CNTLN: variants seen among roughly 807,000 people sequenced by gnomAD.
CNTLN encodes the protein centlein, centrosomal protein.
A neutral mutation model predicts 180.0 loss-of-function variants in CNTLN; 212 were observed. The observed-to-expected ratio is 1.18, with a 90% confidence interval of 1.05 to 1.32. The LOEUF (loss-of-function observed/expected upper bound fraction) is 1.32. CNTLN is among the 40% of genes most tolerant of loss of function. The probability of loss-of-function intolerance (pLI) is 0.00; values close to 1 mark genes in which losing one functional copy is unlikely to be tolerated. For synonymous variants in CNTLN, 722 were observed against 563.1 expected, an observed-to-expected ratio of 1.28 and a Z score of -3.99; for missense variants, 2,095 against 1,610.9, an observed-to-expected ratio of 1.30 and a Z score of -5.14.
chr9:17,399,996 G>A (rs957458268), intron 15 of CNTLN, among the ~76,000 whole-genome samples: 1 of 152,040 alleles, frequency 6.6e-6, no homozygotes, highest in Admixed American at 6.5e-5. Context: ...CCTTATGAAG[G>A]CTCCCTTATC....
rs1306005142 is a variant in CNTLN at position 17,503,084 on chromosome 9, T to A, written c.*432T>A. On this transcript the variant is annotated 3_prime_UTR_variant, in exon 26 of 26. Transcript: ENST00000380647. ...ATAAGTGGTCCAGGGAGCAACAGATTTGTAGTATGAGCAAATATAAAATGA... is the reference window on the plus strand; with the variant it reads ...ATAAGTGGTCCAGGGAGCAACAGATATGTAGTATGAGCAAATATAAAATGA... 6.6e-6 allele frequency: 1 copy of A among 152,458 alleles called. No individual in the cohort carries two copies. The highest frequency in any genetic ancestry group is 2.4e-5 in the African/African-American group (1 of 41,464). The allele number at this position is 152,458 out of a possible 1,614,324, so 9.4% of individuals were successfully genotyped here.
chr9:17,492,235 C>T (rs773249262), intron 25 of CNTLN, among the ~76,000 whole-genome samples: 4 of 151,886 alleles, frequency 2.6e-5, no homozygotes, highest in Non-Finnish European at 5.9e-5. Context: ...TTATTTGAAT[C>T]TACAATATCA....
intron 3 of CNTLN, among the ~76,000 whole-genome samples, chr9:17,229,190 AAGAG>A (rs1249122852): frequency 1.3e-5 from 2 of 152,134 alleles, no homozygotes; most frequent in Admixed American, 6.6e-5. Flanking sequence ...ATGAATTGAG[AAGAG>A]AGAGTTTCAA....
intron 13 of CNTLN, among the ~76,000 whole-genome samples, chr9:17,372,177 T>G (rs1168136935): frequency 1.3e-5 from 2 of 152,044 alleles, no homozygotes; most frequent in African/African-American, 4.8e-5. Context: ...AACAAAAAAT[T>G]GGTTTATCAA....
intron 7 of CNTLN, among the ~76,000 whole-genome samples, chr9:17,307,265 A>G (rs1479941994): frequency 3.4e-5 from 5 of 145,528 alleles, no homozygotes; most frequent in Non-Finnish European, 7.4e-5. Flanking sequence ...AATAATATCG[A>G]TAGATAATTT....
At chr9:17,298,880 G>A (rs1017283116) in intron 7 of CNTLN, 15 of 985,286 alleles carry the variant, frequency 1.5e-5, no homozygotes, top group Non-Finnish European at 1.8e-5. Flanking sequence ...AGCCTTTCAA[G>A]AAGGTTTACC....
intron 5 of CNTLN, among the ~76,000 whole-genome samples, chr9:17,241,192 G>C (rs918132149): frequency 2.0e-5 from 3 of 152,120 alleles, no homozygotes; most frequent in Non-Finnish European, 2.9e-5. Flanking sequence ...CACAGTTTGA[G>C]GTCTGTGACT....
At chr9:17,388,104 C>A in intron 13 of CNTLN, 58 bp from the exon 14 acceptor site, 1 of 1,073,610 alleles carries the variant, frequency 9.3e-7, no homozygotes, top group Non-Finnish European at 1.4e-6. Flanking sequence ...CTTAAAATGA[C>A]AGGACAGTAT....
Position 17,228,307 on chromosome 9 carries a change from T to G in CNTLN, c.534+2020T>G, listed in dbSNP as rs75940691. Among the ~76,000 whole-genome samples, 52 of 152,204 alleles carry G rather than the reference T, an allele frequency of 3.4e-4. No individual in the cohort carries two copies. In the East Asian group the frequency reaches 4.1e-3, roughly 12 times the overall value. Reference sequence around the variant, plus strand: ...TGAGTAGGGATTGTTTCATTATTTATCTTTTGAGTGGAATCACATAGCTTA... The same window carrying G: ...TGAGTAGGGATTGTTTCATTATTTAGCTTTTGAGTGGAATCACATAGCTTA... On this transcript the variant is annotated intron_variant, in intron 3 of 25. Transcript: ENST00000380647.
downstream of CNTLN, among the ~76,000 whole-genome samples, chr9:17,506,735 A>AG (rs1354727701): frequency 3.9e-4 from 6 of 15,280 alleles, no homozygotes; most frequent in African/African-American, 5.5e-4. Flanking sequence ...AACTGTAAAA[A>AG]CAACAAAATG....
chr9:17,152,315 C>G (rs960765872), intron 2 of CNTLN, among the ~76,000 whole-genome samples: 11 of 152,114 alleles, frequency 7.2e-5, no homozygotes, highest in Non-Finnish European at 1.6e-4. Flanking sequence ...TAAATTCCCC[C>G]TAAACACTGC....
At chr9:17,238,523 A>G (rs1825292961) in intron 5 of CNTLN, among the ~76,000 whole-genome samples, 1 of 152,186 alleles carries the variant, frequency 6.6e-6, no homozygotes, top group Non-Finnish European at 1.5e-5. Flanking sequence ...CCTAGAGTCC[A>G]AGAAGAATCT....
chr9:17,247,600 T>A (rs1191110664), intron 5 of CNTLN, among the ~76,000 whole-genome samples: 2 of 152,188 alleles, frequency 1.3e-5, no homozygotes, highest in Admixed American at 6.6e-5. Context: ...GTACTGTGAT[T>A]GCTCACCTGA....
At chr9:17,400,008 T>C (rs190994936) in intron 15 of CNTLN, among the ~76,000 whole-genome samples, 4 of 152,242 alleles carry the variant, frequency 2.6e-5, no homozygotes, top group African/African-American at 9.6e-5. Flanking sequence ...TCCCTTATCA[T>C]GTAAAACTTA....
At chr9:17,315,276 C>G (rs1819463607) in intron 8 of CNTLN, among the ~76,000 whole-genome samples, 1 of 151,970 alleles carries the variant, frequency 6.6e-6, no homozygotes, top group African/African-American at 2.4e-5. Flanking sequence ...TGATTTGCAC[C>G]ATCTTTTCTG....
At chr9:17,275,670 A>T (rs1828263465) in intron 6 of CNTLN, among the ~76,000 whole-genome samples, 2 of 152,090 alleles carry the variant, frequency 1.3e-5, no homozygotes, top group Admixed American at 6.6e-5. Context: ...TATAACAACT[A>T]TGTTTTCTTC....
chr9:17,348,183 C>G (rs1822068041), intron 12 of CNTLN, among the ~76,000 whole-genome samples: 1 of 151,894 alleles, frequency 6.6e-6, no homozygotes. Context: ...TTATTGCCAG[C>G]CTGGGAAAAG....
At chr9:17,142,265 G>A (rs377092197) in intron 1 of CNTLN, among the ~76,000 whole-genome samples, 13 of 151,890 alleles carry the variant, frequency 8.6e-5, no homozygotes, top group African/African-American at 2.7e-4. Context: ...ATTTTTTTTA[G>A]CTCATTAACT....
chr9:17,507,710 C>G (rs1017885982), downstream of CNTLN, among the ~76,000 whole-genome samples: 3 of 152,038 alleles, frequency 2.0e-5, no homozygotes, highest in African/African-American at 7.2e-5. Flanking sequence ...TTTAAAAAAG[C>G]TTCGACTTTT....
Sources: gnomAD v4.1 joint callset for allele counts (sites outside exome capture counted in the v4.1 genomes callset) on GRCh38, gnomAD v4.1.1 for gene constraint, MANE v1.5 for transcripts, NCBI Gene and HGNC (gene_info 2026-07-23, HGNC 2026-07-21) for gene names.